Variants in IQCE observed in about 807,000 individuals in gnomAD.
IQCE encodes IQ domain-containing protein E.
In IQCE, 115 loss-of-function variants were observed where a neutral mutation model predicts 96.0. The observed-to-expected ratio is 1.20, with a 90% CI of 1.03 to 1.40. IQCE has a LOEUF of 1.40. Among genes scored for constraint, IQCE ranks in the 40% most tolerant of loss-of-function variants. The pLI is 0.00. For missense variants in IQCE, 1,041 were observed against 909.1 expected, an observed-to-expected ratio of 1.15 and a Z score of -1.87; for synonymous variants, 412 against 371.2, an observed-to-expected ratio of 1.11 and a Z score of -1.26.
intron 16 of IQCE, chr7:2,597,254 A>C (rs956330426): frequency 4.9e-6 from 2 of 406,670 alleles, no homozygotes; most frequent in African/African-American, 4.1e-5. Context: ...AGGCTGAGAA[A>C]CACTGCCTTC....
chr7:2,578,188 C>T (rs772419046), intron 6 of IQCE, 54 bp from the exon 7 acceptor site: 112 of 1,355,862 alleles, frequency 8.3e-5, no homozygotes, highest in Admixed American at 3.0e-4. Flanking sequence ...GACGTGTGTG[C>T]GGCGTGTGCG....
At chr7:2,592,161 C>A (rs1933785058) in intron 14 of IQCE, among the ~76,000 whole-genome samples, 2 of 152,252 alleles carry the variant, frequency 1.3e-5, no homozygotes, top group African/African-American at 4.8e-5. Context: ...ACGTTCTCTG[C>A]TGCCTGCTGT....
rs981559973 is a variant in IQCE at position 2,610,374 on chromosome 7, C to T, written c.*212C>T. The T allele has an allele frequency of 5.9e-6, 3 of 510,484 alleles. No individual in the cohort carries two copies. The highest frequency in any genetic ancestry group is 3.4e-5 in the East Asian group (1 of 29,126). 31.6% of individuals were successfully genotyped at this position (510,484 alleles called of 1,614,324 possible). On this transcript the variant is annotated 3_prime_UTR_variant, in exon 22 of 22. Transcript: ENST00000402050. ...GGGAGGGCCAGCGGCTCGCATCCCC[C>T]TCATCTCCAGCTGCAGCTCGGATGG...
At chr7:2,577,075 G>A (rs991266423) in intron 6 of IQCE, among the ~76,000 whole-genome samples, 2 of 152,132 alleles carry the variant, frequency 1.3e-5, no homozygotes, top group Admixed American at 6.5e-5. Flanking sequence ...AATGCCAGGC[G>A]TGCCCTCCGG....
rs557726171 is a variant in IQCE at position 2,611,994 on chromosome 7, G to A, written c.*1832G>A. 1 of 152,234 alleles carries A rather than the reference G, an allele frequency of 6.6e-6. No individual in the cohort carries two copies. Among genetic ancestry groups the A allele is most frequent in the East Asian group, 1.9e-4 (1 of 5,152 alleles). 9.4% of individuals were successfully genotyped at this position (152,234 alleles called of 1,614,324 possible). A position where few individuals can be genotyped will look rare whatever the true frequency, so the allele number is the denominator to read the frequency against. ...TGCCAGCTCAAAGCTTCAGGTCCTA[G>A]GAGCCAGTCCACCTCGAAAGCCCTG... On this transcript the variant is annotated 3_prime_UTR_variant, in exon 22 of 22. Coordinates refer to ENST00000402050, the MANE Select transcript of IQCE (RefSeq NM_152558.5).
chr7:2,591,888 C>G (rs1184544741), intron 14 of IQCE, among the ~76,000 whole-genome samples: 6 of 151,812 alleles, frequency 4.0e-5, no homozygotes, highest in Admixed American at 1.3e-4. Context: ...TCCCAAAGTG[C>G]TGGGATTACA....
chr7:2,573,586 G>A (rs544946234), intron 6 of IQCE, 98 bp downstream of exon 6: 4 of 668,860 alleles, frequency 6.0e-6, no homozygotes, highest in Non-Finnish European at 1.1e-5. Context: ...GTGCCCAGAT[G>A]GGAAGAGCGG....
chr7:2,573,907 G>T (rs114372373), intron 6 of IQCE, among the ~76,000 whole-genome samples: 3,805 of 152,260 alleles, frequency 0.025, 164 homozygotes, highest in African/African-American at 0.086. Flanking sequence ...AGCTCTGTGG[G>T]ACGGGCAGAA....
chr7:2,565,238 CGT>C (rs1056772615), intron 1 of IQCE, among the ~76,000 whole-genome samples: 7 of 140,124 alleles, frequency 5.0e-5, no homozygotes, highest in African/African-American at 1.1e-4. Flanking sequence ...AGTGTGTGTG[CGT>C]GTGTGTGTGT....
chr7:2,605,613 C>G (rs1784752051), intron 19 of IQCE, among the ~76,000 whole-genome samples: 1 of 150,982 alleles, frequency 6.6e-6, no homozygotes, highest in South Asian at 2.1e-4. Flanking sequence ...GAGCGAGACT[C>G]CATCTCAAAA....
At chr7:2,589,134 A>G (rs1023105970) in intron 13 of IQCE, among the ~76,000 whole-genome samples, 2 of 152,176 alleles carry the variant, frequency 1.3e-5, no homozygotes, top group South Asian at 4.1e-4. Context: ...TTGGGAGGCT[A>G]AGCTGGGAGG....
rs1195163188 is a variant in IQCE, at chr7:2,613,503, C to G, written c.*3341C>G. On this transcript the variant is annotated 3_prime_UTR_variant, in exon 22 of 22. Transcript: ENST00000402050. The stretch of plus-strand genomic sequence containing the variant: ...AGGATGGGGAGAAAGAGGAGGAGGC[C>G]CCAGGCTCAGAAGCCAGGGACAGAC... 6.6e-6 allele frequency: 1 copy of G among 152,162 alleles called. No individual in the cohort carries two copies. The highest frequency in any genetic ancestry group is 1.5e-5 in the Non-Finnish European group (1 of 68,032). 9.4% of individuals were successfully genotyped at this position (152,162 alleles called of 1,614,324 possible). A position where few individuals can be genotyped will look rare whatever the true frequency, so the allele number is the denominator to read the frequency against.
At chr7:2,606,751 G>C (rs187631820) in intron 20 of IQCE, among the ~76,000 whole-genome samples, 5 of 152,200 alleles carry the variant, frequency 3.3e-5, no homozygotes, top group African/African-American at 4.8e-5. Context: ...ATCCCTGGGC[G>C]GCGAGCCCCA....
At chr7:2,589,206 A>C (rs1298331255) in intron 13 of IQCE, among the ~76,000 whole-genome samples, 2 of 151,974 alleles carry the variant, frequency 1.3e-5, no homozygotes, top group Non-Finnish European at 2.9e-5. Flanking sequence ...CATCTCTACA[A>C]AAATAAAAAC....
intron 8 of IQCE, chr7:2,581,906 G>A: frequency 3.4e-5 from 10 of 294,602 alleles, no homozygotes; most frequent in South Asian, 2.9e-4. Context: ...TAGAGACGGG[G>A]TTTCACCTTG....
chr7:2,570,918 T>A (rs184431540), intron 3 of IQCE, among the ~76,000 whole-genome samples: 271 of 152,366 alleles, frequency 1.8e-3, no homozygotes, highest in Non-Finnish European at 2.3e-3. Context: ...TCACTGTGGC[T>A]GTGAGTGTGT....
At chr7:2,562,302 A>ATATATAT (rs1554301261) in intron 1 of IQCE, among the ~76,000 whole-genome samples, 1 of 151,516 alleles carries the variant, frequency 6.6e-6, no homozygotes, top group African/African-American at 2.4e-5. Flanking sequence ...ATATATATAT[A>ATATATAT]AAATCCTTTT....
Position 2,589,740 on chromosome 7 carries a change from G to A in IQCE, c.1045-167G>A, listed in dbSNP as rs148592716. On this transcript the variant is annotated intron_variant, in intron 13 of 21. Coordinates refer to ENST00000402050, the MANE Select transcript of IQCE (RefSeq NM_152558.5). ...ACTGAGCAGGGATCATGCTCTTCCA[G>A]TAGCTTGTGCCCGGCAGCTTCTCTG... is the stretch of plus-strand genomic sequence containing the variant. Among the ~76,000 whole-genome samples the A allele has an allele frequency of 2.0e-5, 3 of 152,312 alleles. No homozygotes were observed. The East Asian group carries it at 5.8e-4, about 29-fold the overall frequency.
rs1461470012 is a variant in IQCE at position 2,582,603 on chromosome 7, G to A, written c.654G>A (p.Arg218=). Residue 218 remains arginine (R), a synonymous_variant, in exon 9 of 22, where the codon AGG becomes AGA. Transcript: ENST00000402050. ...AGGTCATTAACGGGCTGAAGCAGAG[G>A]ATCCTGAAGCTGGAACAGCAGTGCA... ...ASWVINGLKQ[R]ILKLEQQCKE... The A allele has an allele frequency of 1.9e-6, 3 of 1,614,116 alleles. No individual in the cohort carries two copies. The highest frequency in any genetic ancestry group is 2.5e-6 in the Non-Finnish European group (3 of 1,179,994).
Sources: gnomAD v4.1 joint callset for allele counts (sites outside exome capture counted in the v4.1 genomes callset) on GRCh38, gnomAD v4.1.1 for gene constraint, MANE v1.5 for transcripts, NCBI Gene and HGNC (gene_info 2026-07-23, HGNC 2026-07-21) for gene names.